Variants in MAPK9 observed in about 807,000 individuals in gnomAD.
MAPK9 encodes the protein Jun kinase.
MAPK9 carries 30 observed loss-of-function variants against 57.1 expected under a neutral mutation model. The observed-to-expected ratio is 0.53, with a 90% CI of 0.39 to 0.71. MAPK9 has a LOEUF of 0.71. MAPK9 is among the 30% of genes least tolerant of loss of function. MAPK9 has a pLI of 0.00. For synonymous variants in MAPK9, 155 were observed against 177.0 expected (o/e 0.88, Z 0.99); for missense variants, 362 against 521.0 (o/e 0.69, Z 2.97).
Position 180,233,475 on chromosome 5 carries a change from A to T in MAPK9, c.*2909T>A, listed in dbSNP as rs889639106. 6 of 152,232 alleles carry T rather than the reference A, an allele frequency of 3.9e-5. No homozygotes were observed. The highest frequency in any genetic ancestry group is 1.4e-4 in the African/African-American group (6 of 41,460). 9.4% of individuals were successfully genotyped at this position (152,232 alleles called of 1,614,324 possible). On this transcript the variant is annotated 3_prime_UTR_variant, in exon 12 of 12. Coordinates refer to ENST00000452135, the MANE Select transcript of MAPK9 (RefSeq NM_002752.5). ...AGTGTGAAACCTCTTGCTAATATTG[A>T]TCAAAAGCATGACACTTTATCATCT...
intron 2 of MAPK9, among the ~76,000 whole-genome samples, chr5:180,276,829 G>A (rs1761866711): frequency 6.6e-6 from 1 of 152,180 alleles, no homozygotes; most frequent in Non-Finnish European, 1.5e-5. Context: ...ACTCCACCTG[G>A]TGACAGAGCA....
At chr5:180,283,076 C>A (rs1762452698) in intron 1 of MAPK9, among the ~76,000 whole-genome samples, 1 of 152,172 alleles carries the variant, frequency 6.6e-6, no homozygotes. Context: ...GCCGTCAAAA[C>A]ATCAGAGGTG....
intron 11 of MAPK9, 185 bp from the exon 12 acceptor site, chr5:180,236,711 A>G: frequency 3.8e-6 from 2 of 519,980 alleles, no homozygotes; most frequent in Non-Finnish European, 6.7e-6. Flanking sequence ...CTTTGGGCCA[A>G]GAGTCCCATA....
chr5:180,249,141 A>G lies in MAPK9; in HGVS notation c.451-3T>C, dbSNP rs1758417503. On this transcript the variant is annotated splice_polypyrimidine_tract_variant and splice_region_variant and intron_variant, in intron 5 of 11. Coordinates refer to ENST00000452135, the MANE Select transcript of MAPK9 (RefSeq NM_002752.5). ...ACAATGTTGCTAGGCTTCAAATCCTAGGAAAGAAATGGCTTAAATTAGTAA... is the reference window on the plus strand; with the variant it reads ...ACAATGTTGCTAGGCTTCAAATCCTGGGAAAGAAATGGCTTAAATTAGTAA... The G allele has an allele frequency of 1.2e-6, 2 of 1,602,530 alleles. No homozygotes were observed. The highest frequency in any genetic ancestry group is 8.5e-7 in the Non-Finnish European group (1 of 1,174,992).
intron 1 of MAPK9, among the ~76,000 whole-genome samples, chr5:180,282,145 T>C (rs558578872): frequency 6.6e-6 from 1 of 152,304 alleles, no homozygotes; most frequent in South Asian, 2.1e-4. Flanking sequence ...AAGCTGGTCT[T>C]TGGGGCACTG....
rs376525165 is a variant in MAPK9, at chr5:180,247,438, C to A, written c.688+1G>T. 6 of 1,614,062 alleles carry A rather than the reference C, an allele frequency of 3.7e-6. No individual in the cohort carries two copies. Among genetic ancestry groups the A allele is most frequent in the Non-Finnish European group, 5.1e-6 (6 of 1,180,036 alleles). Reference sequence around the variant, plus strand: ...GGGGCCAAGGTCGCGGGGAAGGATACGGTCAGTGCCTTGGAATATCACACA... The same window carrying A: ...GGGGCCAAGGTCGCGGGGAAGGATAAGGTCAGTGCCTTGGAATATCACACA... On this transcript the variant is annotated splice_donor_variant, in intron 7 of 11. Coordinates refer to ENST00000452135, the MANE Select transcript of MAPK9 (RefSeq NM_002752.5). LOFTEE classifies it high-confidence loss of function. The surrounding 1 kb of genome is among the most constrained non-coding windows in gnomAD (Gnocchi z 4.5).
intron 5 of MAPK9, 146 bp downstream of exon 5, chr5:180,261,538 A>T: frequency 1.2e-6 from 1 of 826,386 alleles, no homozygotes; most frequent in Non-Finnish European, 1.8e-6. Flanking sequence ...TGCCTCCTAG[A>T]ATGACTCTCT....
chr5:180,240,184 C>G (rs1201615342), intron 9 of MAPK9, among the ~76,000 whole-genome samples, 197 bp from the exon 10 acceptor site: 7 of 152,066 alleles, frequency 4.6e-5, no homozygotes, highest in African/African-American at 7.2e-5. Context: ...AAAAGTTAAC[C>G]AAAGAAGAGT....
At chr5:180,240,583 G>C (rs185566881) in intron 9 of MAPK9, among the ~76,000 whole-genome samples, 3 of 152,372 alleles carry the variant, frequency 2.0e-5, no homozygotes, top group Admixed American at 2.0e-4. Flanking sequence ...TGCTGACACA[G>C]AAACACGCAC....
intron 7 of MAPK9, among the ~76,000 whole-genome samples, chr5:180,243,296 A>C (rs957447830): frequency 2.0e-5 from 3 of 152,146 alleles, no homozygotes; most frequent in Non-Finnish European, 4.4e-5. Flanking sequence ...ACTCTTCCCA[A>C]CCATCACTGC....
At chr5:180,273,850 C>T (rs1198567517) in intron 2 of MAPK9, among the ~76,000 whole-genome samples, 1 of 152,206 alleles carries the variant, frequency 6.6e-6, no homozygotes, top group Non-Finnish European at 1.5e-5. Context: ...CCACACGACA[C>T]CAGCTTGATC....
intron 4 of MAPK9, among the ~76,000 whole-genome samples, chr5:180,263,758 T>C (rs113572960): frequency 6.9e-6 from 1 of 144,252 alleles, no homozygotes; most frequent in Admixed American, 7.3e-5. Context: ...CTGGCTGGAG[T>C]GCAGTGGTGC....
At chr5:180,262,378 T>TC (rs960317050) in intron 4 of MAPK9, among the ~76,000 whole-genome samples, 1 of 112,910 alleles carries the variant, frequency 8.9e-6, no homozygotes, top group African/African-American at 2.8e-5. Flanking sequence ...CAAGCAAAAC[T>TC]CCCCAAAGAG....
At chr5:180,259,970 C>T (rs1759750128) in intron 5 of MAPK9, among the ~76,000 whole-genome samples, 1 of 152,194 alleles carries the variant, frequency 6.6e-6, no homozygotes. Context: ...AGAAATTATA[C>T]TGGAGGAAAA....
chr5:180,271,679 T>C (rs1761334102), intron 2 of MAPK9, among the ~76,000 whole-genome samples: 1 of 152,224 alleles, frequency 6.6e-6, no homozygotes, highest in Admixed American at 6.5e-5. Flanking sequence ...TAGGTGTGTA[T>C]GTGTACAATG....
At chr5:180,240,055 A>T in intron 9 of MAPK9, 68 bp from the exon 10 acceptor site, 1 of 1,229,220 alleles carries the variant, frequency 8.1e-7, no homozygotes, top group Non-Finnish European at 1.2e-6. Context: ...TAAAAAAGGT[A>T]AAATTGCTTG....
chr5:180,277,155 T>C (rs1761895243), intron 2 of MAPK9, among the ~76,000 whole-genome samples: 1 of 152,246 alleles, frequency 6.6e-6, no homozygotes, highest in Non-Finnish European at 1.5e-5. Context: ...AATGTAGAAA[T>C]ACACATGCTT....
intron 2 of MAPK9, chr5:180,279,827 A>C (rs1476584472): frequency 2.2e-6 from 1 of 456,540 alleles, no homozygotes; most frequent in African/African-American, 2.0e-5. Context: ...GCGGCGGCTG[A>C]CCGTCTTACC....
chr5:180,245,927 T>C (rs1758055355), intron 7 of MAPK9: 2 of 152,208 alleles, frequency 1.3e-5, no homozygotes, highest in African/African-American at 2.4e-5. Context: ...GTTGGCAAAA[T>C]TTTCTTTAGA....
Sources: gnomAD v4.1 joint callset for allele counts (sites outside exome capture counted in the v4.1 genomes callset) on GRCh38, gnomAD v4.1.1 for gene constraint, Gnocchi (gnomAD v3.1) non-coding constraint, MANE v1.5 for transcripts, NCBI Gene and HGNC (gene_info 2026-07-23, HGNC 2026-07-21) for gene names.